EYS: variants seen among roughly 807,000 people sequenced by gnomAD.
The protein encoded by EYS is EGF-like photoreceptor maintenance factor.
A neutral mutation model predicts 282.1 loss-of-function variants in EYS; 250 were observed. The ratio of observed to expected loss-of-function variants is 0.89; its 90% CI spans 0.80 to 0.98. The LOEUF is 0.98. Ranked by LOEUF, EYS falls within the 50% of genes least tolerant of loss-of-function variation. The pLI, the probability that EYS is intolerant of heterozygous loss-of-function variation, is 0.00. For missense variants in EYS, 4,016 were observed against 3,709.0 expected, an observed-to-expected ratio of 1.08 and a Z score of -2.15; for synonymous variants, 1,355 against 1,282.9, an observed-to-expected ratio of 1.06 and a Z score of -1.20.
At chr6:65,510,964 C>T (rs1766847276) in intron 2 of EYS, among the ~76,000 whole-genome samples, 1 of 152,270 alleles carries the variant, frequency 6.6e-6, no homozygotes, top group South Asian at 2.1e-4. Context: ...CATTCTTTGA[C>T]TGTACTTAAA....
chr6:65,570,215 C>G (rs1033069410), intron 2 of EYS, among the ~76,000 whole-genome samples: 3 of 152,042 alleles, frequency 2.0e-5, no homozygotes, highest in Non-Finnish European at 2.9e-5. Flanking sequence ...CCAGTATACT[C>G]GAGATTACTG....
chr6:64,610,979 C>A (rs964276814), intron 24 of EYS, among the ~76,000 whole-genome samples: 1 of 151,792 alleles, frequency 6.6e-6, no homozygotes, highest in East Asian at 1.9e-4. Context: ...CATCTTTTTC[C>A]CCCCCATAGC....
chr6:63,845,772 TG>T (rs1772082535), intron 36 of EYS, among the ~76,000 whole-genome samples: 2 of 152,234 alleles, frequency 1.3e-5, no homozygotes, highest in South Asian at 4.1e-4. Context: ...GATATTCTCC[TG>T]TTCCAACAGG....
chr6:64,577,413 T>G (rs981052264), intron 26 of EYS, among the ~76,000 whole-genome samples: 1 of 151,946 alleles, frequency 6.6e-6, no homozygotes, highest in African/African-American at 2.4e-5. Flanking sequence ...TTACCTCTGC[T>G]CTCTCTCTCA....
chr6:65,645,081 T>G, intron 1 of EYS, among the ~76,000 whole-genome samples: 1 of 150,902 alleles, frequency 6.6e-6, no homozygotes, highest in East Asian at 2.0e-4. Flanking sequence ...GAAAATGAAC[T>G]AATATAGGGA....
intron 19 of EYS, among the ~76,000 whole-genome samples, chr6:64,881,928 A>C (rs1258495682): frequency 6.6e-6 from 1 of 151,890 alleles, no homozygotes; most frequent in Non-Finnish European, 1.5e-5. Context: ...AATTAAAAGT[A>C]CTATTAATGT....
chr6:64,162,924 A>T (rs1775153223), intron 31 of EYS, among the ~76,000 whole-genome samples: 1 of 152,086 alleles, frequency 6.6e-6, no homozygotes, highest in Admixed American at 6.6e-5. Flanking sequence ...TCATGTATTA[A>T]TTCATTTAGA....
At position 64,720,019 on chromosome 6, in the gene EYS, T is replaced by C. The variant is rs182181366; in HGVS notation, c.3443+93359A>G. 2.0e-5 allele frequency among the ~76,000 whole-genome samples: 3 copies of C among 152,336 alleles called. No homozygotes were observed. The East Asian group carries it at 5.8e-4, about 29-fold the overall frequency. ...AACAAATTACTAAAACACTAGTGTC[T>C]TGAAACAATACAAATGTATTGTCTC... On this transcript the variant is annotated intron_variant, in intron 22 of 42. Transcript: ENST00000503581.
chr6:65,282,936 A>G (rs759989312), intron 12 of EYS, among the ~76,000 whole-genome samples: 2 of 151,944 alleles, frequency 1.3e-5, no homozygotes, highest in African/African-American at 2.4e-5. Flanking sequence ...GTAATTTAGC[A>G]TATTTTCTCC....
intron 1 of EYS, among the ~76,000 whole-genome samples, chr6:65,670,211 TAC>T (rs67462586): frequency 0.051 from 7,715 of 152,130 alleles, 438 homozygotes; most frequent in East Asian, 0.32. Context: ...ACTGTTCAAC[TAC>T]TTGTTATTTT....
chr6:65,442,690 G>A (rs1187021562), intron 5 of EYS, among the ~76,000 whole-genome samples: 2 of 151,704 alleles, frequency 1.3e-5, no homozygotes, highest in Admixed American at 6.6e-5. Flanking sequence ...GGAGGTGGAG[G>A]TTGCAGTGAG....
intron 1 of EYS, among the ~76,000 whole-genome samples, chr6:65,680,925 G>A (rs914196079): frequency 6.6e-6 from 1 of 151,874 alleles, no homozygotes; most frequent in Non-Finnish European, 1.5e-5. Flanking sequence ...TGAGCCACAG[G>A]TTGAAGGTTC....
At chr6:65,204,103 G>A (rs1249077573) in intron 12 of EYS, among the ~76,000 whole-genome samples, 1 of 151,990 alleles carries the variant, frequency 6.6e-6, no homozygotes, top group African/African-American at 2.4e-5. Context: ...AGGCATTAAT[G>A]AGAGAGAACT....
chr6:65,409,492 A>G (rs1048618321), intron 5 of EYS, among the ~76,000 whole-genome samples: 5 of 152,168 alleles, frequency 3.3e-5, no homozygotes, highest in Non-Finnish European at 7.3e-5. Context: ...TTGAAAACAA[A>G]TTTTACTCTT....
intron 12 of EYS, among the ~76,000 whole-genome samples, chr6:65,059,033 T>C (rs1445952210): frequency 6.6e-6 from 1 of 152,052 alleles, no homozygotes; most frequent in Non-Finnish European, 1.5e-5. Context: ...ATCACTATTA[T>C]CACTGACAAA....
At chr6:64,789,156 T>G (rs2149999020) in intron 22 of EYS, among the ~76,000 whole-genome samples, 1 of 152,328 alleles carries the variant, frequency 6.6e-6, no homozygotes, top group Non-Finnish European at 1.5e-5. Context: ...TATTTTCAAC[T>G]GAAACAAATG....
At chr6:64,763,014 T>C (rs540055134) in intron 22 of EYS, among the ~76,000 whole-genome samples, 8 of 152,232 alleles carry the variant, frequency 5.3e-5, no homozygotes, top group Non-Finnish European at 8.8e-5. Context: ...CCAAACTTTC[T>C]GAATGGGAAT....
Position 64,461,912 on chromosome 6 carries a change from T to C in EYS, c.5645-22560A>G, listed in dbSNP as rs554930637. On this transcript the variant is annotated intron_variant, in intron 26 of 42. Coordinates refer to ENST00000503581, the MANE Select transcript of EYS (RefSeq NM_001142800.2). Reference sequence around the variant, plus strand: ...TTTTGAAGAAATAATTTGGAACTCATACTATTGAATAAAAAGGCTAAGTTG... The same window carrying C: ...TTTTGAAGAAATAATTTGGAACTCACACTATTGAATAAAAAGGCTAAGTTG... 3.3e-5 allele frequency among the ~76,000 whole-genome samples: 5 copies of C among 152,302 alleles called. No homozygotes were observed. The East Asian group carries it at 9.6e-4, about 29-fold the overall frequency.
At chr6:65,471,725 A>G (rs1765225684) in intron 5 of EYS, among the ~76,000 whole-genome samples, 1 of 152,142 alleles carries the variant, frequency 6.6e-6, no homozygotes, top group Non-Finnish European at 1.5e-5. Flanking sequence ...ATGAATCATA[A>G]TTATTTGTAT....
Sources: gnomAD v4.1 joint callset for allele counts (sites outside exome capture counted in the v4.1 genomes callset) on GRCh38, gnomAD v4.1.1 for gene constraint, MANE v1.5 for transcripts, NCBI Gene and HGNC (gene_info 2026-07-23, HGNC 2026-07-21) for gene names.